Variants in MAP3K5 observed in about 807,000 individuals in gnomAD.
MAP3K5 encodes mitogen-activated protein kinase kinase kinase 5.
Under a neutral mutation model 158.7 loss-of-function variants are expected in MAP3K5, and 56 were observed. That is an observed-to-expected ratio of 0.35 (90% CI 0.28 to 0.44). The LOEUF is 0.44. Ranked by LOEUF, MAP3K5 falls within the 20% of genes least tolerant of loss-of-function variation. The pLI, the probability that MAP3K5 is intolerant of heterozygous loss-of-function variation, is 1.00. For synonymous variants in MAP3K5, 579 were observed against 601.7 expected (o/e 0.96, Z 0.55); for missense variants, 1,294 against 1,674.8 (o/e 0.77, Z 3.97).
intron 8 of MAP3K5, among the ~76,000 whole-genome samples, 179 bp downstream of exon 8, chr6:136,669,104 T>C (rs1779355808): frequency 6.6e-6 from 1 of 152,196 alleles, no homozygotes; most frequent in African/African-American, 2.4e-5. Flanking sequence ...TGTCCTAATA[T>C]CAGGATTCTG....
chr6:136,696,157 C>A (rs767241474), intron 5 of MAP3K5, 100 bp from the exon 6 acceptor site: 12 of 644,738 alleles, frequency 1.9e-5, no homozygotes, highest in Non-Finnish European at 3.2e-5. Context: ...TCAAGAAACA[C>A]ATTAAAAAGA....
At chr6:136,661,608 C>A (rs949682628) in intron 8 of MAP3K5, among the ~76,000 whole-genome samples, 30 of 152,086 alleles carry the variant, frequency 2.0e-4, no homozygotes, top group African/African-American at 6.8e-4. Context: ...CCATGTTGCC[C>A]AGCCGAACTC....
intron 23 of MAP3K5, 63 bp from the exon 24 acceptor site, chr6:136,583,803 C>T: frequency 6.9e-7 from 1 of 1,455,646 alleles, no homozygotes; most frequent in South Asian, 1.2e-5. Flanking sequence ...CATGGTAATC[C>T]TATCTCCATA....
At chr6:136,744,760 A>T (rs1261149395) in intron 1 of MAP3K5, among the ~76,000 whole-genome samples, 11 of 152,108 alleles carry the variant, frequency 7.2e-5, no homozygotes, top group Admixed American at 7.2e-4. Context: ...CATTGTAATC[A>T]CCTGGGGGCT....
intron 18 of MAP3K5, among the ~76,000 whole-genome samples, chr6:136,610,191 G>A (rs1316909446): frequency 6.6e-6 from 1 of 151,626 alleles, no homozygotes; most frequent in Non-Finnish European, 1.5e-5. Flanking sequence ...AACACTTCAT[G>A]AGAATTAGCA....
chr6:136,791,954 C>T lies in MAP3K5; in HGVS notation c.204G>A (p.Pro68=). 2 of 1,610,850 alleles carry T rather than the reference C, an allele frequency of 1.2e-6. No homozygotes were observed. Among genetic ancestry groups the T allele is most frequent in the Non-Finnish European group, 1.7e-6 (2 of 1,178,938 alleles). The change falls in exon 1 of 30, where the codon CCG becomes CCA. Residue 68 remains proline, a synonymous_variant. Coordinates refer to ENST00000359015, the MANE Select transcript of MAP3K5 (RefSeq NM_005923.4). ...TGGCACTGCTCGAGGAGGTGGCCGC[C>T]GGACAACCGATGCCAGGGGCAGCGG... ...ESAAAPGIGC[P]AATSSSSATR... is the part of the protein sequence containing the mutation.
chr6:136,752,913 G>C (rs1487699285), intron 1 of MAP3K5, among the ~76,000 whole-genome samples: 1 of 152,184 alleles, frequency 6.6e-6, no homozygotes, highest in African/African-American at 2.4e-5. Flanking sequence ...CCCTCTGCCT[G>C]GTACATGCTC....
At chr6:136,587,923 C>T (rs909387026) in intron 23 of MAP3K5, among the ~76,000 whole-genome samples, 1 of 152,230 alleles carries the variant, frequency 6.6e-6, no homozygotes, top group African/African-American at 2.4e-5. Context: ...TATTTCAGCA[C>T]AGTCATAGAA....
chr6:136,582,687 G>T (rs557651459), intron 24 of MAP3K5, among the ~76,000 whole-genome samples: 1 of 152,296 alleles, frequency 6.6e-6, no homozygotes, highest in African/African-American at 2.4e-5. Context: ...AAATAAAATT[G>T]TCAACACACT....
chr6:136,581,732 T>C (rs184835867), intron 24 of MAP3K5, among the ~76,000 whole-genome samples: 13 of 152,248 alleles, frequency 8.5e-5, no homozygotes, highest in Admixed American at 6.5e-4. Context: ...GGTTCCCACT[T>C]GTTCTAGAAA....
At chr6:136,590,557 T>C (rs986381382) in intron 23 of MAP3K5, among the ~76,000 whole-genome samples, 17 of 151,850 alleles carry the variant, frequency 1.1e-4, no homozygotes, top group African/African-American at 4.1e-4. Context: ...TTTTTTTTTT[T>C]TGAGACAGAG....
At chr6:136,755,512 G>C (rs771837693) in intron 1 of MAP3K5, among the ~76,000 whole-genome samples, 1 of 151,998 alleles carries the variant, frequency 6.6e-6, no homozygotes, top group Non-Finnish European at 1.5e-5. Context: ...TTCAAGATCA[G>C]CCTGGGCAAC....
At chr6:136,594,424 T>C (rs887170744) in intron 21 of MAP3K5, among the ~76,000 whole-genome samples, 11 of 152,148 alleles carry the variant, frequency 7.2e-5, no homozygotes, top group South Asian at 2.1e-4. Context: ...ATCTCGCTAT[T>C]TGGGGGGAAC....
At chr6:136,785,427 A>C (rs1784802136) in intron 1 of MAP3K5, among the ~76,000 whole-genome samples, 1 of 152,178 alleles carries the variant, frequency 6.6e-6, no homozygotes, top group Non-Finnish European at 1.5e-5. Context: ...TGAAAGGCTG[A>C]GTAAGCGGTT....
chr6:136,653,566 C>A (rs2114418324), intron 10 of MAP3K5, among the ~76,000 whole-genome samples: 1 of 152,152 alleles, frequency 6.6e-6, no homozygotes, highest in East Asian at 1.9e-4. Flanking sequence ...TGAGGGAGAG[C>A]ACGGGTGGCA....
intron 14 of MAP3K5, among the ~76,000 whole-genome samples, chr6:136,624,744 A>T (rs1231707516): frequency 6.6e-6 from 1 of 152,232 alleles, no homozygotes; most frequent in Non-Finnish European, 1.5e-5. Flanking sequence ...TTATTTATCA[A>T]ATTCCATAGA....
intron 8 of MAP3K5, among the ~76,000 whole-genome samples, chr6:136,668,488 T>C (rs148567414): frequency 1.9e-3 from 282 of 152,320 alleles, no homozygotes; most frequent in African/African-American, 6.4e-3. Context: ...AGGCTGAATA[T>C]TTCTATGTCT....
intron 10 of MAP3K5, among the ~76,000 whole-genome samples, chr6:136,654,407 T>C (rs533076719): frequency 2.0e-5 from 3 of 152,324 alleles, no homozygotes; most frequent in Non-Finnish European, 4.4e-5. Context: ...TATCTCTTCA[T>C]ATAAATTTTT....
intron 25 of MAP3K5, among the ~76,000 whole-genome samples, chr6:136,572,732 G>A (rs1209212327): frequency 1.3e-5 from 2 of 152,196 alleles, no homozygotes; most frequent in East Asian, 3.8e-4. Context: ...GTAGAAACTT[G>A]TAAGTTCATG....
Sources: allele counts gnomAD v4.1 joint callset (sites outside exome capture counted in the v4.1 genomes callset), GRCh38; gene constraint gnomAD v4.1.1; transcripts MANE v1.5; gene names NCBI Gene and HGNC (gene_info 2026-07-23, HGNC 2026-07-21).